The following ST6GALNAC6 variants were observed in gnomAD, a reference collection of about 807,000 sequenced individuals.
ST6GALNAC6 encodes the protein alpha-N-acetylgalactosaminide alpha-2,6-sialyltransferase 6.
A neutral mutation model predicts 34.3 loss-of-function variants in ST6GALNAC6; 19 were observed. The ratio of observed to expected loss-of-function variants is 0.55; its 90% CI spans 0.39 to 0.81. ST6GALNAC6 has a LOEUF of 0.81. Ranked by LOEUF, ST6GALNAC6 falls within the 40% of genes least tolerant of loss-of-function variation. ST6GALNAC6 has a pLI of 0.00. For synonymous variants in ST6GALNAC6, 185 were observed against 182.1 expected (o/e 1.02, Z -0.13); for missense variants, 377 against 467.7 (o/e 0.81, Z 1.79).
intron 2 of ST6GALNAC6, 146 bp from the exon 3 acceptor site, chr9:127,896,478 C>T: frequency 1.4e-6 from 1 of 691,862 alleles, no homozygotes; most frequent in Non-Finnish European, 2.3e-6. Flanking sequence ...GACGGAGACA[C>T]TGAGGGCCAG....
chr9:127,905,129 G>A (rs979869148), intron 1 of ST6GALNAC6: 2 of 835,104 alleles, frequency 2.4e-6, no homozygotes, highest in Non-Finnish European at 2.9e-6. Context: ...GGTATGAACA[G>A]GAAAACAGAG....
At chr9:127,905,853 G>C (rs1243470511), upstream of ST6GALNAC6, 1 of 786,082 alleles carries the variant, frequency 1.3e-6, no homozygotes, top group African/African-American at 1.9e-5. Context: ...CCAGAAAGAA[G>C]TCAGGCCTTG....
rs1438784961 is a variant in ST6GALNAC6 at position 127,897,164 on chromosome 9, T to C, written c.26+792A>G. On this transcript the variant is annotated intron_variant, in intron 2 of 6. Coordinates refer to ENST00000373146, the MANE Select transcript of ST6GALNAC6 (RefSeq NM_013443.5). Reference sequence around the variant, plus strand: ...CTCCGCACACCCCAATCTCTTCCTCTCCCACAACCAAAACCCAGCTCCTTT... The same window carrying C: ...CTCCGCACACCCCAATCTCTTCCTCCCCCACAACCAAAACCCAGCTCCTTT... 7.1e-6 allele frequency: 7 copies of C among 985,024 alleles called. No homozygotes were observed. In the African/African-American group the frequency reaches 1.1e-4, roughly 15 times the overall value. 61.0% of individuals were successfully genotyped at this position (985,024 alleles called of 1,614,324 possible).
upstream of ST6GALNAC6, chr9:127,903,338 G>T (rs1171911878): frequency 6.6e-6 from 1 of 152,122 alleles, no homozygotes; most frequent in Non-Finnish European, 1.5e-5. Context: ...CATAATATTT[G>T]TAAATGCACA....
At chr9:127,906,005 G>T, upstream of ST6GALNAC6, 3 of 985,590 alleles carry the variant, frequency 3.0e-6, no homozygotes, top group South Asian at 9.4e-5. Context: ...TCCTTGCTTC[G>T]CCAGCTCAGG....
chr9:127,890,491 G>T lies in ST6GALNAC6; in HGVS notation c.704+146C>A. On this transcript the variant is annotated intron_variant, in intron 5 of 6. Transcript: ENST00000373146. The surrounding 1 kb of genome is among the most constrained non-coding windows in gnomAD (Gnocchi z 4.3). ...CCATGTGAACAGCTGGACATGAAGA[G>T]AACTCTCCTAGGAGGCCCAACCAGA... The T allele has an allele frequency of 8.7e-7, 1 of 1,145,360 alleles. No homozygotes were observed. Among genetic ancestry groups the T allele is most frequent in the Non-Finnish European group, 1.2e-6 (1 of 816,364 alleles). The allele number at this position is 1,145,360 out of a possible 1,614,324, so 70.9% of individuals were successfully genotyped here.
intron 5 of ST6GALNAC6, among the ~76,000 whole-genome samples, chr9:127,888,477 C>T (rs1829921901): frequency 7.1e-6 from 1 of 141,818 alleles, no homozygotes; most frequent in Admixed American, 7.4e-5. Context: ...ACACTCTAGC[C>T]TGGGCAACAG....
At chr9:127,894,733 G>C (rs752637025) in intron 3 of ST6GALNAC6, 42 bp from the exon 4 acceptor site, 1 of 1,453,438 alleles carries the variant, frequency 6.9e-7, no homozygotes. Flanking sequence ...CTGCCGGGCA[G>C]GCTCAGCGCC....
chr9:127,894,042 A>C (rs1279225930), intron 4 of ST6GALNAC6, among the ~76,000 whole-genome samples: 1 of 151,738 alleles, frequency 6.6e-6, no homozygotes, highest in Non-Finnish European at 1.5e-5. Flanking sequence ...ATGTGACTTC[A>C]CCTCTCGGAG....
upstream of ST6GALNAC6, among the ~76,000 whole-genome samples, chr9:127,906,412 G>A (rs186156161): frequency 6.0e-3 from 916 of 152,148 alleles, 5 homozygotes; most frequent in Non-Finnish European, 8.3e-3. Context: ...GAGTCTTCCC[G>A]TCCCCAGATG....
intron 1 of ST6GALNAC6, among the ~76,000 whole-genome samples, chr9:127,898,362 C>T (rs550111719): frequency 6.6e-6 from 1 of 152,070 alleles, no homozygotes; most frequent in Non-Finnish European, 1.5e-5. Flanking sequence ...CACTGCACTC[C>T]AGCCTGGCGA....
At chr9:127,897,798 G>A (rs1258889793) in intron 2 of ST6GALNAC6, 158 bp downstream of exon 2, 15 of 1,500,968 alleles carry the variant, frequency 1.0e-5, no homozygotes, top group Non-Finnish European at 1.2e-5. Flanking sequence ...TCCTGCGGAT[G>A]CCCCCTGCCC....
chr9:127,901,969 C>T (rs577111878), upstream of ST6GALNAC6, among the ~76,000 whole-genome samples: 16 of 152,096 alleles, frequency 1.1e-4, no homozygotes, highest in African/African-American at 3.4e-4. Context: ...AAGTCAAGAA[C>T]AATGGGGGAG....
At chr9:127,901,573 C>T (rs1445227665), upstream of ST6GALNAC6, among the ~76,000 whole-genome samples, 1 of 151,954 alleles carries the variant, frequency 6.6e-6, no homozygotes, top group Non-Finnish European at 1.5e-5. Flanking sequence ...CCAGATCGTG[C>T]CACTGCACTC....
intron 5 of ST6GALNAC6, among the ~76,000 whole-genome samples, chr9:127,889,651 G>A (rs191669224): frequency 4.8e-4 from 73 of 151,896 alleles, no homozygotes; most frequent in African/African-American, 1.2e-4. Context: ...CACCATGCTG[G>A]CCAGGCTGGT....
chr9:127,886,285 A>G lies in ST6GALNAC6; in HGVS notation c.*314T>C. On this transcript the variant is annotated 3_prime_UTR_variant, in exon 7 of 7. Coordinates refer to ENST00000373146, the MANE Select transcript of ST6GALNAC6 (RefSeq NM_013443.5). The stretch of plus-strand genomic sequence containing the variant: ...GGGTCCATTCCTGGGGCTCTGAACC[A>G]AGGCCTCATGGGAAAGGACATGTCC... 1.7e-6 allele frequency: 1 copy of G among 577,916 alleles called. No homozygotes were observed. The highest frequency in any genetic ancestry group is 3.4e-4 in the Middle Eastern group (1 of 2,968). The allele number at this position is 577,916 out of a possible 1,614,324, so 35.8% of individuals were successfully genotyped here.
chr9:127,905,503 G>C, upstream of ST6GALNAC6: 1 of 919,692 alleles, frequency 1.1e-6, no homozygotes, highest in Non-Finnish European at 1.3e-6. Context: ...AGAAGGAAGA[G>C]GAGGCAGCCT....
intron 5 of ST6GALNAC6, among the ~76,000 whole-genome samples, chr9:127,889,076 C>T (rs1369490564): frequency 6.6e-6 from 1 of 152,156 alleles, no homozygotes; most frequent in Admixed American, 6.5e-5. Context: ...AGGCTGGGCA[C>T]GGTGGCTCAC....
rs779271369 is a variant in ST6GALNAC6 at position 127,890,689 on chromosome 9, C to T, written c.652G>A (p.Gly218Ser). 1.5e-5 allele frequency: 25 copies of T among 1,613,356 alleles called. No individual in the cohort carries two copies. Among genetic ancestry groups the T allele is most frequent in the East Asian group, 8.9e-5 (4 of 44,902 alleles). Residue 218 changes from glycine to serine, a missense_variant, in exon 5 of 7, where the codon GGC (glycine) becomes AGC (serine). Coordinates refer to ENST00000373146, the MANE Select transcript of ST6GALNAC6 (RefSeq NM_013443.5). This position sits in a 1 kb window ranked among gnomAD's most constrained non-coding sequence, Gnocchi z 4.3. ...PNMEAYAVSP[G>S]RMRQFDDLFR... is the part of the protein sequence containing the mutation. ...AGGTCGTCAAATTGCCGCATGCGGCCGGGAGAGACGGCATATGCTTCCATG... is the reference window on the plus strand; with the variant it reads ...AGGTCGTCAAATTGCCGCATGCGGCTGGGAGAGACGGCATATGCTTCCATG...
Sources: allele counts gnomAD v4.1 joint callset (sites outside exome capture counted in the v4.1 genomes callset), GRCh38; gene constraint gnomAD v4.1.1; non-coding constraint Gnocchi (gnomAD v3.1); transcripts MANE v1.5; gene names NCBI Gene and HGNC (gene_info 2026-07-23, HGNC 2026-07-21).